The following SLC25A21 variants were observed in gnomAD, a reference collection of about 807,000 sequenced individuals.
SLC25A21 encodes mitochondrial 2-oxodicarboxylate carrier.
SLC25A21 carries 47 observed loss-of-function variants against 43.8 expected under a neutral mutation model. That is an observed-to-expected ratio of 1.07 (90% confidence interval 0.85 to 1.37). The LOEUF (loss-of-function observed/expected upper bound fraction) is 1.37, where lower values mean the gene tolerates loss of function less well. Ranked by LOEUF, SLC25A21 falls within the 40% of genes most tolerant of loss-of-function variation. The pLI, the probability that SLC25A21 is intolerant of heterozygous loss-of-function variation, is 0.00. For synonymous variants in SLC25A21, 131 were observed against 121.3 expected, an observed-to-expected ratio of 1.08 and a Z score of -0.52; for missense variants, 352 against 350.2, an observed-to-expected ratio of 1.00 and a Z score of -0.04.
At chr14:36,961,216 T>C (rs924715967) in intron 1 of SLC25A21, among the ~76,000 whole-genome samples, 3 of 142,908 alleles carry the variant, frequency 2.1e-5, no homozygotes, top group African/African-American at 7.9e-5. Context: ...TTTCGTTTTT[T>C]GGTTTTTTTT....
At chr14:36,906,113 C>G (rs370911312) in intron 1 of SLC25A21, among the ~76,000 whole-genome samples, 1 of 152,102 alleles carries the variant, frequency 6.6e-6, no homozygotes, top group African/African-American at 2.4e-5. Context: ...AATACTTATT[C>G]TCCTATGATT....
chr14:37,040,552 A>G (rs984367745), intron 1 of SLC25A21, among the ~76,000 whole-genome samples: 1 of 151,894 alleles, frequency 6.6e-6, no homozygotes, highest in Non-Finnish European at 1.5e-5. Context: ...CATGCTGGGT[A>G]AGAAGTGTAA....
intron 1 of SLC25A21, among the ~76,000 whole-genome samples, chr14:36,993,479 T>C (rs1960306573): frequency 6.6e-6 from 1 of 152,188 alleles, no homozygotes; most frequent in African/African-American, 2.4e-5. Context: ...GGTCTCAAGA[T>C]GATCACAACC....
At chr14:37,109,779 A>G (rs956266543) in intron 1 of SLC25A21, among the ~76,000 whole-genome samples, 1 of 152,080 alleles carries the variant, frequency 6.6e-6, no homozygotes, top group East Asian at 1.9e-4. Context: ...TGGTCCTTTA[A>G]AACTTTTTTT....
chr14:37,125,918 T>C, intron 1 of SLC25A21, among the ~76,000 whole-genome samples: 1 of 152,204 alleles, frequency 6.6e-6, no homozygotes, highest in South Asian at 2.1e-4. Context: ...TCCTTGCTCA[T>C]ATAAATTAGA....
intron 7 of SLC25A21, among the ~76,000 whole-genome samples, chr14:36,704,667 A>AC (rs1883428519): frequency 6.6e-6 from 1 of 151,772 alleles, no homozygotes; most frequent in Admixed American, 6.6e-5. Context: ...AAAAAAAAAA[A>AC]AAAACAAAAA....
chr14:36,904,643 T>C (rs1891486091), intron 1 of SLC25A21, among the ~76,000 whole-genome samples: 1 of 152,198 alleles, frequency 6.6e-6, no homozygotes, highest in Admixed American at 6.5e-5. Context: ...TTAGAAAACT[T>C]ACAATCATGG....
chr14:36,680,656 AATC>A lies in SLC25A21; in HGVS notation c.899_*1del. 1 of 1,612,334 alleles carries A rather than the reference AATC, an allele frequency of 6.2e-7. No homozygotes were observed. Among genetic ancestry groups the A allele is most frequent in the Non-Finnish European group, 8.5e-7 (1 of 1,179,160 alleles). ...CAAGGGGGAAAAACACTTCATAGGC[AATC>A]ACCAGTTCTCTTGAAGCCATGAATA... On this transcript the variant is annotated stop_lost and 3_prime_UTR_variant, in exon 10 of 10. Transcript: ENST00000331299.
chr14:36,890,752 C>T (rs146536786), intron 1 of SLC25A21, among the ~76,000 whole-genome samples: 4 of 152,148 alleles, frequency 2.6e-5, no homozygotes, highest in Admixed American at 6.5e-5. Flanking sequence ...TTCACCATTC[C>T]CTGAACTAGA....
At chr14:36,685,498 G>A (rs1462973097) in intron 7 of SLC25A21, among the ~76,000 whole-genome samples, 1 of 152,214 alleles carries the variant, frequency 6.6e-6, no homozygotes, top group East Asian at 1.9e-4. Flanking sequence ...ACTTGGGGCG[G>A]CTGCAAAACA....
intron 2 of SLC25A21, among the ~76,000 whole-genome samples, chr14:36,854,204 T>C (rs1236304449): frequency 6.6e-6 from 1 of 152,116 alleles, no homozygotes; most frequent in Non-Finnish European, 1.5e-5. Context: ...AAACCTAACA[T>C]CAAAATGTAA....
intron 3 of SLC25A21, among the ~76,000 whole-genome samples, chr14:36,774,888 CA>C (rs1323202342): frequency 2.0e-5 from 3 of 152,182 alleles, no homozygotes; most frequent in Non-Finnish European, 4.4e-5. Context: ...TTTATTTACA[CA>C]AACTGATACA....
At chr14:37,074,056 C>T (rs1486704740) in intron 1 of SLC25A21, among the ~76,000 whole-genome samples, 3 of 152,062 alleles carry the variant, frequency 2.0e-5, no homozygotes, top group East Asian at 3.9e-4. Context: ...GAATGATGTT[C>T]GTCTCTGTTC....
At chr14:37,098,742 T>C (rs61989525) in intron 1 of SLC25A21, among the ~76,000 whole-genome samples, 723 of 8,282 alleles carry the variant, frequency 0.087, 5 homozygotes, top group Middle Eastern at 0.5. Context: ...GATAGATAGA[T>C]AGATAGACAG....
intron 1 of SLC25A21, among the ~76,000 whole-genome samples, chr14:37,144,474 G>A (rs562218570): frequency 1.3e-5 from 2 of 152,246 alleles, no homozygotes; most frequent in African/African-American, 4.8e-5. Flanking sequence ...TATTAGTTAA[G>A]AACCACTCCT....
intron 3 of SLC25A21, among the ~76,000 whole-genome samples, chr14:36,804,967 C>T (rs1430652979): frequency 6.6e-6 from 1 of 152,178 alleles, no homozygotes; most frequent in Non-Finnish European, 1.5e-5. Context: ...AAAGTAAGGC[C>T]TAAAAATATT....
intron 1 of SLC25A21, among the ~76,000 whole-genome samples, chr14:37,150,789 T>C (rs1434273874): frequency 6.6e-6 from 1 of 152,162 alleles, no homozygotes; most frequent in Non-Finnish European, 1.5e-5. Context: ...CGCTCCAAAA[T>C]AATGCTGCTC....
chr14:36,861,720 T>G (rs1890070485), intron 2 of SLC25A21, among the ~76,000 whole-genome samples: 1 of 152,150 alleles, frequency 6.6e-6, no homozygotes, highest in African/African-American at 2.4e-5. Context: ...AATAGCAAAA[T>G]AAACAACAAA....
intron 2 of SLC25A21, among the ~76,000 whole-genome samples, chr14:36,815,664 G>C (rs183818188): frequency 1.2e-4 from 18 of 152,246 alleles, no homozygotes; most frequent in African/African-American, 3.6e-4. Context: ...TCCAAATGTG[G>C]AAGTTTCCAG....
Sources: gnomAD v4.1 joint callset for allele counts (sites outside exome capture counted in the v4.1 genomes callset) on GRCh38, gnomAD v4.1.1 for gene constraint, MANE v1.5 for transcripts, NCBI Gene and HGNC (gene_info 2026-07-23, HGNC 2026-07-21) for gene names.